GAS7: variants seen among roughly 807,000 people sequenced by gnomAD.
GAS7 encodes the protein growth arrest specific 7.
GAS7 carries 28 observed loss-of-function variants against 71.1 expected under a neutral mutation model. The observed-to-expected ratio is 0.39, with a 90% CI of 0.29 to 0.54. GAS7 has a LOEUF of 0.54. Among genes scored for constraint, GAS7 ranks in the 20% least tolerant of loss-of-function variants. GAS7 has a pLI of 0.62. For missense variants in GAS7, 436 were observed against 627.8 expected, an observed-to-expected ratio of 0.69 and a Z score of 3.27; for synonymous variants, 258 against 245.8, an observed-to-expected ratio of 1.05 and a Z score of -0.46.
At chr17:9,985,535 C>A (rs1194835840) in intron 2 of GAS7, among the ~76,000 whole-genome samples, 1 of 152,266 alleles carries the variant, frequency 6.6e-6, no homozygotes, top group Non-Finnish European at 1.5e-5. Flanking sequence ...GTCTCTTCCA[C>A]CATGCAGCCT....
rs1453115285 is a variant in GAS7 at position 9,981,108 on chromosome 17, A to G, written c.385+696T>C. On this transcript the variant is annotated intron_variant, in intron 3 of 13. Transcript: ENST00000432992. This position sits in a 1 kb window ranked among gnomAD's most constrained non-coding sequence, Gnocchi z 4.4. ...GGAGCTCAAGACCAGCCTGGCCAAC[A>G]TGGCGAAATCCCGTCTCTACTAAAA... Among the ~76,000 whole-genome samples, 3 of 152,146 alleles carry G rather than the reference A, an allele frequency of 2.0e-5. No individual in the cohort carries two copies. Among genetic ancestry groups the G allele is most frequent in the Non-Finnish European group, 4.4e-5 (3 of 68,030 alleles).
intron 1 of GAS7, among the ~76,000 whole-genome samples, chr17:10,033,531 C>A (rs977578763): frequency 6.6e-6 from 1 of 152,212 alleles, no homozygotes; most frequent in Non-Finnish European, 1.5e-5. Context: ...AAGTTGCTAG[C>A]TGGATCAGTA....
chr17:9,921,763 T>C (rs2067818700), intron 11 of GAS7, among the ~76,000 whole-genome samples: 1 of 151,902 alleles, frequency 6.6e-6, no homozygotes, highest in African/African-American at 2.4e-5. Flanking sequence ...ATCGAGACCA[T>C]CCTGGCTAAC....
chr17:10,048,570 G>A (rs1049585465), intron 1 of GAS7, among the ~76,000 whole-genome samples: 2 of 152,102 alleles, frequency 1.3e-5, no homozygotes, highest in African/African-American at 4.8e-5. Context: ...AGCTTCACGG[G>A]GTACAGTCAT....
At chr17:10,070,919 G>GT (rs1459461412) in intron 1 of GAS7, among the ~76,000 whole-genome samples, 1 of 149,804 alleles carries the variant, frequency 6.7e-6, no homozygotes, top group African/African-American at 2.5e-5. Flanking sequence ...AAGTAATTGC[G>GT]TTTTTTGCCA....
chr17:10,064,851 C>T (rs8080112), intron 1 of GAS7, among the ~76,000 whole-genome samples: 65,002 of 151,966 alleles, frequency 0.43, 14,158 homozygotes, highest in Non-Finnish European at 0.47. Flanking sequence ...TTTCTTTTCA[C>T]TGGATCTCGC....
chr17:9,959,286 G>T lies in GAS7; in HGVS notation c.472-31C>A, dbSNP rs761827280. On this transcript the variant is annotated intron_variant, in intron 4 of 13. Transcript: ENST00000432992. This position sits in a 1 kb window ranked among gnomAD's most constrained non-coding sequence, Gnocchi z 5.0. ...GAGAGAGGCAAGAAACATCGTCAAA[G>T]CTGTTCTCCATATTGGACATTTTTT... 3.7e-6 allele frequency: 6 copies of T among 1,614,062 alleles called. No homozygotes were observed. The highest frequency in any genetic ancestry group is 4.2e-6 in the Non-Finnish European group (5 of 1,179,940).
chr17:9,923,427 G>A (rs1461286091), intron 11 of GAS7, among the ~76,000 whole-genome samples: 2 of 151,644 alleles, frequency 1.3e-5, no homozygotes, highest in Non-Finnish European at 2.9e-5. Flanking sequence ...TGACAATCTA[G>A]GAAAAATATC....
intron 3 of GAS7, among the ~76,000 whole-genome samples, chr17:9,973,938 A>G (rs2070077557): frequency 6.6e-6 from 1 of 152,154 alleles, no homozygotes; most frequent in Admixed American, 6.5e-5. Context: ...CTGAGTCCCC[A>G]TGAACCAAGG....
chr17:10,164,084 A>G (rs778589657), intron 1 of GAS7, among the ~76,000 whole-genome samples: 1 of 152,080 alleles, frequency 6.6e-6, no homozygotes, highest in Non-Finnish European at 1.5e-5. Flanking sequence ...GTCTGACGTC[A>G]TCAGTCTGGC....
chr17:10,173,244 C>T (rs2074348511), intron 1 of GAS7, among the ~76,000 whole-genome samples: 1 of 152,094 alleles, frequency 6.6e-6, no homozygotes, highest in South Asian at 2.1e-4. Context: ...GATGAAACTT[C>T]TGGAACTGGA....
At chr17:10,097,135 TC>T (rs1488615401) in intron 1 of GAS7, among the ~76,000 whole-genome samples, 1 of 152,252 alleles carries the variant, frequency 6.6e-6, no homozygotes, top group Non-Finnish European at 1.5e-5. Context: ...TCTTGGGGAA[TC>T]CTACTCCTCT....
At chr17:10,068,860 G>A (rs1221320712) in intron 1 of GAS7, among the ~76,000 whole-genome samples, 3 of 152,082 alleles carry the variant, frequency 2.0e-5, no homozygotes, top group East Asian at 3.9e-4. Flanking sequence ...AAAACCAGGC[G>A]CAAGTTCAGG....
At chr17:10,036,339 G>A in intron 1 of GAS7, 2 of 1,077,452 alleles carry the variant, frequency 1.9e-6, no homozygotes, top group Non-Finnish European at 2.9e-6. Context: ...TCAGTTTTCA[G>A]AGCTGCCTCT....
At chr17:10,150,780 G>T (rs983222712) in intron 1 of GAS7, among the ~76,000 whole-genome samples, 3 of 151,724 alleles carry the variant, frequency 2.0e-5, no homozygotes, top group African/African-American at 7.3e-5. Flanking sequence ...ATACAGACAG[G>T]GTTTCACCAT....
intron 1 of GAS7, among the ~76,000 whole-genome samples, chr17:10,056,231 G>A (rs1486220076): frequency 6.6e-6 from 1 of 152,048 alleles, no homozygotes; most frequent in Non-Finnish European, 1.5e-5. Flanking sequence ...ATGGTGGTGT[G>A]TGCCTGTAGT....
At position 9,917,435 on chromosome 17, in the gene GAS7, T is replaced by C. The variant is rs929058774; in HGVS notation, c.1318-94A>G. On this transcript the variant is annotated intron_variant, in intron 13 of 13. Transcript: ENST00000432992. ...CATGCTGTCCTCACCTTAGTGTCTC[T>C]GAGAGCAGCCTCTCTAGAGGGCTCC... The C allele has an allele frequency of 9.1e-6, 8 of 878,146 alleles. No individual in the cohort carries two copies. In the African/African-American group the frequency reaches 1.3e-4, roughly 14 times the overall value. 54.4% of individuals were successfully genotyped at this position (878,146 alleles called of 1,614,324 possible). A position where few individuals can be genotyped will look rare whatever the true frequency, so the allele number is the denominator to read the frequency against.
chr17:10,102,167 T>C (rs2073707652), intron 1 of GAS7, among the ~76,000 whole-genome samples: 1 of 107,986 alleles, frequency 9.3e-6, no homozygotes, highest in African/African-American at 3.7e-5. Context: ...CTGAAAGAAA[T>C]CTGATTGATC....
intron 1 of GAS7, among the ~76,000 whole-genome samples, chr17:10,134,094 G>A (rs543078561): frequency 1.4e-4 from 21 of 151,572 alleles, no homozygotes; most frequent in Non-Finnish European, 2.4e-4. Context: ...CCAGTGGCGC[G>A]ATCTCCGCTC....
Sources: allele counts gnomAD v4.1 joint callset (sites outside exome capture counted in the v4.1 genomes callset), GRCh38; gene constraint gnomAD v4.1.1; non-coding constraint Gnocchi (gnomAD v3.1); transcripts MANE v1.5; gene names NCBI Gene and HGNC (gene_info 2026-07-23, HGNC 2026-07-21).